The following ZFHX3 variants were observed in gnomAD, a reference collection of about 807,000 sequenced individuals.
The protein encoded by ZFHX3 is zinc finger homeobox protein 3.
In ZFHX3, 42 loss-of-function variants were observed where a neutral mutation model predicts 279.1. That is an observed-to-expected ratio of 0.15 (90% CI 0.12 to 0.19). ZFHX3 has a LOEUF of 0.19. Among genes scored for constraint, ZFHX3 ranks in the 10% least tolerant of loss-of-function variants. The pLI, the probability that ZFHX3 is intolerant of heterozygous loss-of-function variation, is 1.00. For synonymous variants in ZFHX3, 2,293 were observed against 1,957.8 expected, an observed-to-expected ratio of 1.17 and a Z score of -4.52; for missense variants, 4,981 against 4,754.0, an observed-to-expected ratio of 1.05 and a Z score of -1.40.
chr16:73,523,318 G>GC (rs2019638359), intron 2 of ZFHX3, among the ~76,000 whole-genome samples: 2 of 152,166 alleles, frequency 1.3e-5, no homozygotes, highest in Admixed American at 1.3e-4. Flanking sequence ...TCCAATTTCA[G>GC]CCCTGACATA....
intron 2 of ZFHX3, among the ~76,000 whole-genome samples, chr16:73,580,508 C>CAAA (rs1555525963): frequency 3.8e-4 from 53 of 140,202 alleles, no homozygotes; most frequent in Admixed American, 2.0e-3. Context: ...AACAAACAAA[C>CAAA]AAAAAAAAAA....
chr16:73,401,003 G>T (rs922433431), intron 3 of ZFHX3: 1 of 152,052 alleles, frequency 6.6e-6, no homozygotes, highest in Non-Finnish European at 1.5e-5. Flanking sequence ...GTCTGGCTCC[G>T]GTACAGGAAG....
At chr16:72,984,085 C>G (rs1276229400) in intron 1 of ZFHX3, among the ~76,000 whole-genome samples, 3 of 152,200 alleles carry the variant, frequency 2.0e-5, no homozygotes, top group African/African-American at 7.2e-5. Context: ...CCTGCTCACG[C>G]TCCTTCAAGC....
intron 1 of ZFHX3, among the ~76,000 whole-genome samples, chr16:73,818,342 C>T (rs568052677): frequency 6.9e-4 from 105 of 152,248 alleles, no homozygotes; most frequent in African/African-American, 2.5e-3. Flanking sequence ...AAGTTTGTGG[C>T]AAGGTGATTT....
chr16:73,034,166 G>C (rs151219146), intron 1 of ZFHX3, among the ~76,000 whole-genome samples: 325 of 151,896 alleles, frequency 2.1e-3, no homozygotes, highest in Non-Finnish European at 3.2e-3. Context: ...TCATGGACAA[G>C]GTTGTTTCTG....
At chr16:72,836,812 G>A (rs2037204484) in intron 4 of ZFHX3, among the ~76,000 whole-genome samples, 1 of 152,186 alleles carries the variant, frequency 6.6e-6, no homozygotes, top group Admixed American at 6.5e-5. Context: ...CCCTATGGTA[G>A]TCCAGGCAGG....
intron 3 of ZFHX3, among the ~76,000 whole-genome samples, chr16:73,361,284 C>T (rs188647176): frequency 2.0e-3 from 311 of 152,368 alleles, no homozygotes; most frequent in Non-Finnish European, 3.7e-3. Context: ...GAGACGGTGG[C>T]AAGCTCAAAG....
chr16:73,783,860 T>C (rs1959552004), intron 1 of ZFHX3, among the ~76,000 whole-genome samples: 2 of 152,038 alleles, frequency 1.3e-5, no homozygotes, highest in African/African-American at 4.8e-5. Flanking sequence ...TTACATAGAG[T>C]TGTCCTCAGC....
intron 5 of ZFHX3, among the ~76,000 whole-genome samples, chr16:72,825,840 A>C (rs921838212): frequency 2.0e-5 from 3 of 152,260 alleles, no homozygotes; most frequent in African/African-American, 7.2e-5. Flanking sequence ...CAGTGGTACC[A>C]GCCACACTTT....
rs563352408 is a variant in ZFHX3, at chr16:73,570,542, C to A, written c.-1547+109638G>T. ...TAAGCAGGCAGGTTTTCCAAAATGG[C>A]GACTTTCATGATATGGAAGGCATTT... is the stretch of plus-strand genomic sequence containing the variant. On this transcript the variant is annotated intron_variant, in intron 2 of 17. Transcript: ENST00000641206. 5.3e-5 allele frequency among the ~76,000 whole-genome samples: 8 copies of A among 152,090 alleles called. 1 individual carries two copies. In the East Asian group the frequency reaches 1.5e-3, roughly 29 times the overall value.
intron 2 of ZFHX3, among the ~76,000 whole-genome samples, chr16:73,527,099 T>A (rs4888447): frequency 6.6e-6 from 1 of 152,080 alleles, no homozygotes; most frequent in Non-Finnish European, 1.5e-5. Flanking sequence ...ACTGATCCCA[T>A]TGGAAAAGCA....
At chr16:73,707,895 G>C (rs1168189909) in intron 1 of ZFHX3, among the ~76,000 whole-genome samples, 2 of 152,174 alleles carry the variant, frequency 1.3e-5, no homozygotes, top group Non-Finnish European at 2.9e-5. Context: ...GGAAGGAACT[G>C]AGAGCTTGAA....
intron 1 of ZFHX3, among the ~76,000 whole-genome samples, chr16:73,713,756 C>T (rs1363493799): frequency 2.0e-5 from 3 of 152,068 alleles, no homozygotes; most frequent in Admixed American, 6.5e-5. Context: ...CATATGCTCA[C>T]GCTTTGACAC....
At chr16:73,080,662 C>T (rs572426906) in intron 8 of ZFHX3, among the ~76,000 whole-genome samples, 2 of 152,044 alleles carry the variant, frequency 1.3e-5, no homozygotes, top group Non-Finnish European at 2.9e-5. Flanking sequence ...CAGCCTCAAA[C>T]TCCTGGGCTC....
At chr16:73,305,456 G>A (rs551556832) in intron 4 of ZFHX3, among the ~76,000 whole-genome samples, 1 of 152,068 alleles carries the variant, frequency 6.6e-6, no homozygotes, top group East Asian at 1.9e-4. Flanking sequence ...GACTTCCAAA[G>A]TGAGATGTTA....
At chr16:73,157,517 T>C (rs1205417819) in intron 5 of ZFHX3, among the ~76,000 whole-genome samples, 1 of 143,316 alleles carries the variant, frequency 7.0e-6, no homozygotes, top group Non-Finnish European at 1.5e-5. Flanking sequence ...ATCTGAAAGA[T>C]ATAATAATTA....
intron 1 of ZFHX3, among the ~76,000 whole-genome samples, chr16:73,859,392 G>T (rs1386114708): frequency 1.3e-5 from 2 of 152,164 alleles, no homozygotes; most frequent in African/African-American, 2.4e-5. Context: ...GAAAGAAGTG[G>T]CCCTCCCTTG....
intron 2 of ZFHX3, among the ~76,000 whole-genome samples, chr16:73,546,013 A>T (rs950119865): frequency 6.6e-6 from 1 of 152,190 alleles, no homozygotes; most frequent in African/African-American, 2.4e-5. Flanking sequence ...AACACAAAGC[A>T]TCAGCGGGAA....
intron 2 of ZFHX3, among the ~76,000 whole-genome samples, chr16:73,473,339 C>CAAAAAAAAAAA (rs11347779): frequency 6.8e-4 from 52 of 76,668 alleles, no homozygotes; most frequent in African/African-American, 1.5e-3. Flanking sequence ...TGTCTCAAAG[C>CAAAAAAAAAAA]AAAAAAAAAA....
Sources: gnomAD v4.1 joint callset for allele counts (sites outside exome capture counted in the v4.1 genomes callset) on GRCh38, gnomAD v4.1.1 for gene constraint, MANE v1.5 for transcripts, NCBI Gene and HGNC (gene_info 2026-07-23, HGNC 2026-07-21) for gene names.